Variants in ZNF534 observed in about 807,000 individuals in gnomAD.
ZNF534 encodes zinc finger protein 534, also known as KRAB domain only 3.
A neutral mutation model predicts 13.6 loss-of-function variants in ZNF534; 19 were observed. The ratio of observed to expected loss-of-function variants is 1.40; its 90% CI spans 0.97 to 2.05. The LOEUF (loss-of-function observed/expected upper bound fraction) is 2.05. Among genes scored for constraint, ZNF534 ranks in the 30% most tolerant of loss-of-function variants. The pLI is 0.00. For synonymous variants in ZNF534, 244 were observed against 273.8 expected (o/e 0.89, Z 1.07); for missense variants, 782 against 796.3 (o/e 0.98, Z 0.22).
chr19:52,448,637 G>A (rs1389412913), intron 4 of ZNF534, among the ~76,000 whole-genome samples: 1 of 152,156 alleles, frequency 6.6e-6, no homozygotes. Flanking sequence ...TTATTTGGGA[G>A]AATGTTTTAT....
downstream of ZNF534, among the ~76,000 whole-genome samples, chr19:52,445,555 A>C (rs2059191567): frequency 6.6e-6 from 1 of 151,950 alleles, no homozygotes; most frequent in Admixed American, 6.6e-5. Flanking sequence ...CATGATCTAG[A>C]CCTTCAGGTT....
At position 52,441,121 on chromosome 19, in the gene ZNF534, G is replaced by A. The variant is rs544300914; in HGVS notation, c.*1675G>A. ...GGGTTTCACCATGTTAGCCAGGCTG[G>A]TCTCGATCTCCTGACCTTGTGATCC... is the stretch of plus-strand genomic sequence containing the variant. On this transcript the variant is annotated 3_prime_UTR_variant, in exon 5 of 5. Coordinates refer to ENST00000433050, the MANE Select transcript of ZNF534 (RefSeq NM_001143938.3). Among the ~76,000 whole-genome samples, 443 of 152,266 alleles carry A rather than the reference G, an allele frequency of 2.9e-3. 8 individuals are homozygous for A. The highest frequency in any genetic ancestry group is 1.6e-3 in the Non-Finnish European group (109 of 68,020).
intron 4 of ZNF534, among the ~76,000 whole-genome samples, chr19:52,448,535 A>T (rs2059201983): frequency 6.6e-6 from 1 of 152,188 alleles, no homozygotes; most frequent in African/African-American, 2.4e-5. Context: ...CTGAGCTCCA[A>T]CCTGGATGAC....
At chr19:52,451,360 C>T (rs763176135) in exon 5 of ZNF534, 12 of 1,001,556 alleles carry the variant, frequency 1.2e-5, no homozygotes, top group Non-Finnish European at 1.9e-5. Context: ...CGATGCAAAA[C>T]GCGCGAGGCT....
rs1384570508 is a variant in ZNF534 at position 52,440,201 on chromosome 19, CAAG to C, written c.*759_*761del. ...GGAAACCATAGAAATATAAAGAATA[CAAG>C]AAGGTCTTCAGGCACATGTTTTCCC... On this transcript the variant is annotated 3_prime_UTR_variant, in exon 5 of 5. Coordinates refer to ENST00000433050, the MANE Select transcript of ZNF534 (RefSeq NM_001143938.3). Among the ~76,000 whole-genome samples, 10 of 152,120 alleles carry C rather than the reference CAAG, an allele frequency of 6.6e-5. No individual in the cohort carries two copies. Among genetic ancestry groups the C allele is most frequent in the African/African-American group, 1.9e-4 (8 of 41,412 alleles).
At chr19:52,434,958 CAGT>C in intron 3 of ZNF534, 120 bp from the exon 4 acceptor site, 1 of 1,245,734 alleles carries the variant, frequency 8.0e-7, no homozygotes, top group Non-Finnish European at 1.1e-6. Context: ...AGGATGCAAT[CAGT>C]GGTTGAATTT....
At chr19:52,434,809 G>A (rs1393763228) in intron 3 of ZNF534, among the ~76,000 whole-genome samples, 1 of 151,840 alleles carries the variant, frequency 6.6e-6, no homozygotes, top group Non-Finnish European at 1.5e-5. Flanking sequence ...GATGGCACCA[G>A]GGCTGAAGTG....
At chr19:52,429,690 G>T (rs959463733) in intron 1 of ZNF534, among the ~76,000 whole-genome samples, 1 of 151,600 alleles carries the variant, frequency 6.6e-6, no homozygotes. Context: ...CCGCCTCCCG[G>T]ATTCAAGCGA....
chr19:52,446,478 T>G (rs2122723549), downstream of ZNF534, among the ~76,000 whole-genome samples: 1 of 152,164 alleles, frequency 6.6e-6, no homozygotes, highest in East Asian at 1.9e-4. Flanking sequence ...TTTTTTATAC[T>G]TTTTGGGCTT....
chr19:52,451,665 C>A, exon 5 of ZNF534: 1 of 657,646 alleles, frequency 1.5e-6, no homozygotes, highest in Non-Finnish European at 2.7e-6. Flanking sequence ...ATTCAGACAG[C>A]GCTTCCTTCT....
Position 52,433,967 on chromosome 19 carries a change from T to C in ZNF534, c.28T>C (p.Phe10Leu). The C allele has an allele frequency of 6.2e-7, 1 of 1,614,014 alleles. No homozygotes were observed. Among genetic ancestry groups the C allele is most frequent in the Admixed American group, 1.7e-5 (1 of 60,014 alleles). The change falls in exon 3 of 5, where the codon TTC becomes CTC. Residue 10 changes from phenylalanine to leucine, a missense_variant. Transcript: ENST00000433050. MALTQGQLS[F>L]SDVAIEFSQE... Reference sequence around the variant, plus strand: ...GATTTCCTTTTAGGGGCAATTGTCATTCAGCGATGTGGCCATAGAATTCTC... The same window carrying C: ...GATTTCCTTTTAGGGGCAATTGTCACTCAGCGATGTGGCCATAGAATTCTC...
intron 4 of ZNF534, among the ~76,000 whole-genome samples, chr19:52,435,650 T>A (rs996923310): frequency 1.3e-5 from 2 of 151,972 alleles, no homozygotes; most frequent in African/African-American, 4.8e-5. Flanking sequence ...ACTCTGTGTG[T>A]ACACCACCAT....
chr19:52,451,143 C>A, intron 4 of ZNF534: 1 of 614,796 alleles, frequency 1.6e-6, no homozygotes, highest in Admixed American at 2.9e-5. Context: ...TTTTGTGTAA[C>A]CTTTCCACTT....
chr19:52,443,114 A>G (rs1391607958), downstream of ZNF534, among the ~76,000 whole-genome samples: 1 of 152,214 alleles, frequency 6.6e-6, no homozygotes, highest in Admixed American at 6.5e-5. Context: ...CTGTTTAGCA[A>G]AGATGGAAAA....
At chr19:52,430,441 T>C (rs914656859) in intron 1 of ZNF534, among the ~76,000 whole-genome samples, 3 of 152,166 alleles carry the variant, frequency 2.0e-5, no homozygotes, top group African/African-American at 7.2e-5. Context: ...ATAGTGCACA[T>C]CGATAAAAGG....
At chr19:52,431,336 T>G in intron 1 of ZNF534, 72 bp from the exon 2 acceptor site, 1 of 1,148,354 alleles carries the variant, frequency 8.7e-7, no homozygotes. Context: ...AGTCTTCCCT[T>G]TTTGTGTGGC....
intron 3 of ZNF534, 128 bp from the exon 4 acceptor site, chr19:52,434,953 G>A (rs2059118974): frequency 8.4e-7 from 1 of 1,183,562 alleles, no homozygotes; most frequent in Non-Finnish European, 1.2e-6. Context: ...TCAGAAGGAT[G>A]CAATCAGTGG....
intron 4 of ZNF534, among the ~76,000 whole-genome samples, chr19:52,449,005 G>A (rs1373909989): frequency 6.6e-6 from 1 of 151,890 alleles, no homozygotes; most frequent in Non-Finnish European, 1.5e-5. Context: ...TTTCATGCCT[G>A]TGCTAACCTC....
In ZNF534 at chr19:52,438,287, G is replaced by A. The variant is rs1366257; in HGVS notation, c.827G>A (p.Gly276Glu). The change falls in exon 5 of 5, where the codon GGG becomes GAG. Residue 276 changes from glycine (G) to glutamate (E), a missense_variant. This residue lies in a region of ZNF534 where 591 missense variants were observed against 574.0 expected (regional missense o/e 1.03). Coordinates refer to ENST00000433050, the MANE Select transcript of ZNF534 (RefSeq NM_001143938.3). ...AAACCTTACAATAACAAAGAATGTGGGAAAGTCTTTAGTCACCATGCCTAC... is the reference window on the plus strand; with the variant it reads ...AAACCTTACAATAACAAAGAATGTGAGAAAGTCTTTAGTCACCATGCCTAC... ...GQKPYNNKECGKVFSHHAYLA... is the reference protein window; with the variant it reads ...GQKPYNNKECEKVFSHHAYLA... 1,523,760 of 1,613,724 alleles carry A rather than the reference G, an allele frequency of 0.94. 722,581 individuals are homozygous for A. Among genetic ancestry groups the A allele is most frequent in the Non-Finnish European group, 0.97 (1,142,369 of 1,179,860 alleles).
Sources: gnomAD v4.1 joint callset for allele counts (sites outside exome capture counted in the v4.1 genomes callset) on GRCh38, gnomAD v4.1.1 for gene constraint, gnomAD v4.1.1 regional missense constraint, MANE v1.5 for transcripts, NCBI Gene and HGNC (gene_info 2026-07-23, HGNC 2026-07-21) for gene names.